Variants in MED12L observed in about 807,000 individuals in gnomAD.
MED12L encodes the protein mediator complex subunit 12L.
In MED12L, 60 loss-of-function variants were observed where a neutral mutation model predicts 281.3. The observed-to-expected ratio is 0.21, with a 90% CI of 0.17 to 0.26. The LOEUF (loss-of-function observed/expected upper bound fraction) is 0.26. Ranked by LOEUF, MED12L falls within the 10% of genes least tolerant of loss-of-function variation. The probability of loss-of-function intolerance (pLI) is 1.00; values close to 1 mark genes in which losing one functional copy is unlikely to be tolerated. For missense variants in MED12L, 2,146 were observed against 2,680.9 expected, an observed-to-expected ratio of 0.80 and a Z score of 4.41; for synonymous variants, 974 against 987.2, an observed-to-expected ratio of 0.99 and a Z score of 0.25.
intron 16 of MED12L, among the ~76,000 whole-genome samples, chr3:151,342,978 T>C (rs1472630051): frequency 6.6e-6 from 1 of 152,144 alleles, no homozygotes; most frequent in African/African-American, 2.4e-5. Context: ...TGAAGTTAGA[T>C]GGAGACCCCA....
rs1195229911 is a variant in MED12L, at chr3:151,200,694, T to A, written c.2250+7028T>A. On this transcript the variant is annotated intron_variant, in intron 16 of 44. Transcript: ENST00000687756. ...GTGCTGCTTAAAGGCTACATGCCCTTTCTCTTTCCCTACCTGAGTTAGCAC... is the reference window on the plus strand; with the variant it reads ...GTGCTGCTTAAAGGCTACATGCCCTATCTCTTTCCCTACCTGAGTTAGCAC... Among the ~76,000 whole-genome samples the A allele has an allele frequency of 2.0e-5, 3 of 152,118 alleles. No individual in the cohort carries two copies. The East Asian group carries it at 5.8e-4, about 29-fold the overall frequency.
intron 42 of MED12L, among the ~76,000 whole-genome samples, chr3:151,415,913 TCATAAAGA>T (rs1186298329): frequency 3.3e-5 from 5 of 152,122 alleles, no homozygotes; most frequent in Non-Finnish European, 7.3e-5. Context: ...CTGCCAGATA[TCATAAAGA>T]ATGAGAGGAT....
chr3:151,141,195 T>TTTGTTTTTTTTTTG (rs1553808563), intron 5 of MED12L, among the ~76,000 whole-genome samples: 4 of 146,588 alleles, frequency 2.7e-5, no homozygotes, highest in African/African-American at 1.0e-4. Flanking sequence ...TTGTTTTTTT[T>TTTGTTTTTTTTTTG]TTTTTGTTAG....
intron 16 of MED12L, chr3:151,198,076 T>C (rs1444665727): frequency 6.2e-6 from 1 of 160,672 alleles, no homozygotes; most frequent in East Asian, 1.8e-4. Flanking sequence ...TTTTATATTT[T>C]TATCAAGAAG....
At chr3:151,359,841 A>G (rs1157160325) in intron 20 of MED12L, among the ~76,000 whole-genome samples, 2 of 152,132 alleles carry the variant, frequency 1.3e-5, no homozygotes, top group Non-Finnish European at 2.9e-5. Context: ...TGGTGTATGG[A>G]CTTCTGTGTT....
At position 151,368,260 on chromosome 3, in the gene MED12L, A is replaced by G. The variant is rs774040664; in HGVS notation, c.3550+9A>G. On this transcript the variant is annotated intron_variant, in intron 25 of 44. Coordinates refer to ENST00000687756, the MANE Select transcript of MED12L (RefSeq NM_001393769.1). ...CTTACCTCAAGCAACGGGTGAGCTG[A>G]CTGCAGAAAAATCTGATTACCTTTT... 6.2e-7 allele frequency: 1 copy of G among 1,609,668 alleles called. No individual in the cohort carries two copies. Among genetic ancestry groups the G allele is most frequent in the South Asian group, 1.1e-5 (1 of 90,946 alleles).
At chr3:151,089,014 G>A (rs1362321826) in intron 2 of MED12L, among the ~76,000 whole-genome samples, 1 of 152,154 alleles carries the variant, frequency 6.6e-6, no homozygotes, top group Non-Finnish European at 1.5e-5. Flanking sequence ...TGGTTGGTGA[G>A]TAGAGTTTCC....
At chr3:151,362,546 A>C (rs562888292) in intron 21 of MED12L, among the ~76,000 whole-genome samples, 1 of 151,972 alleles carries the variant, frequency 6.6e-6, no homozygotes, top group African/African-American at 2.4e-5. Flanking sequence ...TAGCACCCCC[A>C]TGTCATCATT....
At chr3:151,151,048 T>TTTTTTTTTTTTTTTTA in intron 5 of MED12L, among the ~76,000 whole-genome samples, 1 of 127,044 alleles carries the variant, frequency 7.9e-6, no homozygotes, top group South Asian at 2.7e-4. Context: ...TTTTTTTTTT[T>TTTTTTTTTTTTTTTTA]TTTTTTGAGA....
intron 2 of MED12L, among the ~76,000 whole-genome samples, chr3:151,090,604 T>A (rs1333835297): frequency 6.6e-6 from 1 of 152,124 alleles, no homozygotes; most frequent in African/African-American, 2.4e-5. Flanking sequence ...GGAAATCCGG[T>A]GACTGAGGGC....
intron 13 of MED12L, 108 bp from the exon 14 acceptor site, chr3:151,190,609 T>C (rs1027956602): frequency 1.8e-5 from 18 of 1,001,326 alleles, no homozygotes; most frequent in South Asian, 4.9e-5. Context: ...ATCTTTTTTT[T>C]CCCCAGAAAA....
intron 16 of MED12L, among the ~76,000 whole-genome samples, chr3:151,301,899 A>G (rs1002949970): frequency 1.4e-4 from 21 of 152,250 alleles, no homozygotes; most frequent in Non-Finnish European, 1.9e-4. Context: ...TTCCACCTCT[A>G]GGTATCTAGC....
In MED12L at chr3:151,118,907, G is replaced by A. The variant is rs542822819; in HGVS notation, c.204+2465G>A. On this transcript the variant is annotated intron_variant, in intron 3 of 44. Transcript: ENST00000687756. ...TCACCATGTTGGCCAGGATGGTCTC[G>A]GACTCCTCACCTTAAGTAATCTGCC... Among the ~76,000 whole-genome samples, 7 of 152,146 alleles carry A rather than the reference G, an allele frequency of 4.6e-5. No individual in the cohort carries two copies. In the East Asian group the frequency reaches 7.7e-4, roughly 17 times the overall value.
At chr3:151,284,654 G>A (rs1246709709) in intron 16 of MED12L, among the ~76,000 whole-genome samples, 1 of 152,190 alleles carries the variant, frequency 6.6e-6, no homozygotes, top group African/African-American at 2.4e-5. Context: ...TGTTGCCCAG[G>A]CTGGAGTGCA....
At chr3:151,170,923 T>C (rs1721346553) in intron 11 of MED12L, among the ~76,000 whole-genome samples, 1 of 152,082 alleles carries the variant, frequency 6.6e-6, no homozygotes, top group Non-Finnish European at 1.5e-5. Flanking sequence ...GCCTCTCAAA[T>C]TCTTAGATTC....
chr3:151,194,011 G>A (rs980180932), intron 16 of MED12L, among the ~76,000 whole-genome samples: 10 of 147,068 alleles, frequency 6.8e-5, no homozygotes, highest in African/African-American at 2.3e-4. Flanking sequence ...TGTTGCCCAG[G>A]CTGGAGTACA....
At chr3:151,128,495 C>G (rs530578701) in intron 5 of MED12L, among the ~76,000 whole-genome samples, 2 of 152,316 alleles carry the variant, frequency 1.3e-5, no homozygotes, top group South Asian at 2.1e-4. Context: ...GGCTCCCCCC[C>G]TTCCTGTGAT....
intron 16 of MED12L, among the ~76,000 whole-genome samples, chr3:151,290,590 C>CAAT (rs1744115432): frequency 6.7e-6 from 1 of 150,122 alleles, no homozygotes; most frequent in Admixed American, 6.6e-5. Context: ...AAAGAACAGT[C>CAAT]TATTTGTAGC....
chr3:151,341,874 A>G (rs987197577), intron 16 of MED12L, among the ~76,000 whole-genome samples: 2 of 151,992 alleles, frequency 1.3e-5, no homozygotes, highest in African/African-American at 4.8e-5. Context: ...GATGATTTCT[A>G]ATTTCATCCA....
Sources: gnomAD v4.1 joint callset for allele counts (sites outside exome capture counted in the v4.1 genomes callset) on GRCh38, gnomAD v4.1.1 for gene constraint, MANE v1.5 for transcripts, NCBI Gene and HGNC (gene_info 2026-07-23, HGNC 2026-07-21) for gene names.